Variants in KCNQ1OT1 observed in about 807,000 individuals in gnomAD.
KCNQ1OT1 encodes the protein KCNQ1 antisense RNA 2 (non-protein coding).
rs973032997 is a variant in KCNQ1OT1, at chr11:2,686,969, A to T, written n.13026T>A. Reference sequence around the variant, plus strand: ...TGCCCAGCTTACCATCCTGATGCAGAGGCAAGGACAACACTGGGCCCTGAC... The same window carrying T: ...TGCCCAGCTTACCATCCTGATGCAGTGGCAAGGACAACACTGGGCCCTGAC... On this transcript the variant is annotated non_coding_transcript_exon_variant, in exon 1 of 1. Transcript: ENST00000597346. The T allele has an allele frequency of 1.8e-5, 7 of 398,538 alleles. No homozygotes were observed. In the Admixed American group the frequency reaches 2.2e-4, roughly 13 times the overall value. 24.7% of individuals were successfully genotyped at this position (398,538 alleles called of 1,614,324 possible).
rs115180685 is a variant in KCNQ1OT1 at position 2,693,619 on chromosome 11, C to T, written n.6376G>A. The T allele has an allele frequency of 3.2e-3, 1,292 of 398,646 alleles. 18 individuals carry two copies. Among genetic ancestry groups the T allele is most frequent in the African/African-American group, 0.024 (1,156 of 48,742 alleles). 24.7% of individuals were successfully genotyped at this position (398,646 alleles called of 1,614,324 possible). On this transcript the variant is annotated non_coding_transcript_exon_variant, in exon 1 of 1. Transcript: ENST00000597346. ...ACATTTAAATTGCAAACAAGAGCTTCGCCCAGCCGTAGGAAAGGCTCTGGG... is the reference window on the plus strand; with the variant it reads ...ACATTTAAATTGCAAACAAGAGCTTTGCCCAGCCGTAGGAAAGGCTCTGGG...
Position 2,654,814 on chromosome 11 carries a change from C to G in KCNQ1OT1, n.45181G>C, listed in dbSNP as rs1849814444. ...GGGAACAGAAAGCCTCAAAGACTTT[C>G]ATGATAGGAGAGCTCTATGTAGCCT... On this transcript the variant is annotated non_coding_transcript_exon_variant, in exon 1 of 1. Coordinates refer to ENST00000597346, the Ensembl canonical transcript of KCNQ1OT1. The surrounding 1 kb of genome is among the most constrained non-coding windows in gnomAD (Gnocchi z 6.4). 2.5e-6 allele frequency: 1 copy of G among 398,520 alleles called. No homozygotes were observed. 24.7% of individuals were successfully genotyped at this position (398,520 alleles called of 1,614,324 possible).
Position 2,673,499 on chromosome 11 carries a change from C to G in KCNQ1OT1, n.26496G>C, listed in dbSNP as rs568262725. 7 of 398,552 alleles carry G rather than the reference C, an allele frequency of 1.8e-5. No individual in the cohort carries two copies. The highest frequency in any genetic ancestry group is 3.1e-5 in the Non-Finnish European group (7 of 226,112). 24.7% of individuals were successfully genotyped at this position (398,552 alleles called of 1,614,324 possible). On this transcript the variant is annotated non_coding_transcript_exon_variant, in exon 1 of 1. Transcript: ENST00000597346. This position sits in a 1 kb window ranked among gnomAD's most constrained non-coding sequence, Gnocchi z 4.5. ...CCATACAGACTCCTGCTCATCACAA[C>G]CACTTGTTGATGCTGACAGCCTGTA...
chr11:2,621,505 T>A lies in KCNQ1OT1; in HGVS notation n.78490A>T. The A allele has an allele frequency of 2.5e-6, 1 of 398,592 alleles. No homozygotes were observed. The allele number at this position is 398,592 out of a possible 1,614,324, so 24.7% of individuals were successfully genotyped here. A position where few individuals can be genotyped will look rare whatever the true frequency, so the allele number is the denominator to read the frequency against. On this transcript the variant is annotated non_coding_transcript_exon_variant, in exon 1 of 1. Transcript: ENST00000597346. The surrounding 1 kb of genome is among the most constrained non-coding windows in gnomAD (Gnocchi z 5.7). ...TCTCCCATTCTATATGTTGTCTGTT[T>A]ACTCTGTTGATAATTTCTTTTGCTA...
chr11:2,635,143 C>A (rs924900731), exon 1 of KCNQ1OT1: 2 of 152,196 alleles, frequency 1.3e-5, no homozygotes, highest in African/African-American at 2.4e-5. Flanking sequence ...CCTATTCACT[C>A]TGACGGTAGT....
rs1849032424 is a variant in KCNQ1OT1, at chr11:2,614,657, T to C, written n.85338A>G. ...ACTACTCTTCCCACTGAATTCTTGA[T>C]ACATTTGTTGAAAATGAATTGATCA... On this transcript the variant is annotated non_coding_transcript_exon_variant, in exon 1 of 1. Coordinates refer to ENST00000597346, the Ensembl canonical transcript of KCNQ1OT1. The C allele has an allele frequency of 1.3e-5, 5 of 398,390 alleles. No individual in the cohort carries two copies. The South Asian group carries it at 3.8e-4, about 30-fold the overall frequency. The allele number at this position is 398,390 out of a possible 1,614,324, so 24.7% of individuals were successfully genotyped here. A position where few individuals can be genotyped will look rare whatever the true frequency, so the allele number is the denominator to read the frequency against.
rs936380278 is a variant in KCNQ1OT1 at position 2,642,666 on chromosome 11, G to T, written n.57329C>A. 3 of 397,490 alleles carry T rather than the reference G, an allele frequency of 7.5e-6. No homozygotes were observed. Among genetic ancestry groups the T allele is most frequent in the Non-Finnish European group, 1.3e-5 (3 of 225,620 alleles). The allele number at this position is 397,490 out of a possible 1,614,324, so 24.6% of individuals were successfully genotyped here. A position where few individuals can be genotyped will look rare whatever the true frequency, so the allele number is the denominator to read the frequency against. ...TTTATTTAGTTTCTTGTTTAGTTCTGCTCTGATCTTCGTTATTTCTTTCCT... is the reference window on the plus strand; with the variant it reads ...TTTATTTAGTTTCTTGTTTAGTTCTTCTCTGATCTTCGTTATTTCTTTCCT... On this transcript the variant is annotated non_coding_transcript_exon_variant, in exon 1 of 1. Transcript: ENST00000597346. This position sits in a 1 kb window ranked among gnomAD's most constrained non-coding sequence, Gnocchi z 4.3.
chr11:2,679,882 C>A lies in KCNQ1OT1; in HGVS notation n.20113G>T, dbSNP rs1476964244. On this transcript the variant is annotated non_coding_transcript_exon_variant, in exon 1 of 1. Coordinates refer to ENST00000597346, the Ensembl canonical transcript of KCNQ1OT1. This position sits in a 1 kb window ranked among gnomAD's most constrained non-coding sequence, Gnocchi z 4.8. Reference sequence around the variant, plus strand: ...TTCATATAAACTTAGAACTAGCACGCCTAATTTTTTTTTTATTTTTATTTT... The same window carrying A: ...TTCATATAAACTTAGAACTAGCACGACTAATTTTTTTTTTATTTTTATTTT... The A allele has an allele frequency of 2.5e-6, 1 of 398,028 alleles. No individual in the cohort carries two copies. The highest frequency in any genetic ancestry group is 2.1e-5 in the African/African-American group (1 of 48,550). 24.7% of individuals were successfully genotyped at this position (398,028 alleles called of 1,614,324 possible). A position where few individuals can be genotyped will look rare whatever the true frequency, so the allele number is the denominator to read the frequency against.
exon 1 of KCNQ1OT1, chr11:2,615,460 C>G (rs11023477): frequency 0.011 from 4,468 of 397,986 alleles, 98 homozygotes; most frequent in South Asian, 0.05. Flanking sequence ...CTGGGTAAAG[C>G]ATACAGCCAT....
At chr11:2,649,059 G>A (rs1409020560) in exon 1 of KCNQ1OT1, 1 of 377,088 alleles carries the variant, frequency 2.7e-6, no homozygotes, top group African/African-American at 2.3e-5. Flanking sequence ...CTGTTTGTGT[G>A]GAATATCTTT....
At chr11:2,650,783 T>G (rs1035495587) in exon 1 of KCNQ1OT1, 2 of 398,554 alleles carry the variant, frequency 5.0e-6, no homozygotes, top group Admixed American at 8.8e-5. Flanking sequence ...TTCTTTCTCC[T>G]AATACTGCTA....
At position 2,661,089 on chromosome 11, in the gene KCNQ1OT1, A is replaced by T; in HGVS notation, n.38906T>A. ...AGTCACAGTGACATCCCATGTGCAT[A>T]AAAGCAACTCCCACCTGGCATCTGC... On this transcript the variant is annotated non_coding_transcript_exon_variant, in exon 1 of 1. Transcript: ENST00000597346. The surrounding 1 kb of genome is among the most constrained non-coding windows in gnomAD (Gnocchi z 5.9). 1 of 398,598 alleles carries T rather than the reference A, an allele frequency of 2.5e-6. No homozygotes were observed. 24.7% of individuals were successfully genotyped at this position (398,598 alleles called of 1,614,324 possible).
At position 2,621,012 on chromosome 11, in the gene KCNQ1OT1, C is replaced by T. The variant is rs929807945; in HGVS notation, n.78983G>A. On this transcript the variant is annotated non_coding_transcript_exon_variant, in exon 1 of 1. Transcript: ENST00000597346. This position sits in a 1 kb window ranked among gnomAD's most constrained non-coding sequence, Gnocchi z 5.7. ...TTGTTTTTTGAGAAAGAGTCTTGCT[C>T]TGTCTCCCAGGCTGGAGTGCAGTGG... The T allele has an allele frequency of 2.5e-6, 1 of 395,608 alleles. No homozygotes were observed. The highest frequency in any genetic ancestry group is 4.4e-6 in the Non-Finnish European group (1 of 225,440). 24.5% of individuals were successfully genotyped at this position (395,608 alleles called of 1,614,324 possible).
exon 1 of KCNQ1OT1, chr11:2,649,814 C>A (rs1849730094): frequency 5.0e-6 from 2 of 398,266 alleles, no homozygotes; most frequent in South Asian, 2.5e-4. Flanking sequence ...TTGTGAGCTT[C>A]CTTTATCTGT....
Position 2,676,858 on chromosome 11 carries a change from C to T in KCNQ1OT1, n.23137G>A. ...TTGTAATGACACCTGTCAGCTTTGA[C>T]TGGGGAGCCCTTTCATTTCTTAGTA... On this transcript the variant is annotated non_coding_transcript_exon_variant, in exon 1 of 1. Coordinates refer to ENST00000597346, the Ensembl canonical transcript of KCNQ1OT1. This position sits in a 1 kb window ranked among gnomAD's most constrained non-coding sequence, Gnocchi z 4.2. 1 of 398,632 alleles carries T rather than the reference C, an allele frequency of 2.5e-6. No homozygotes were observed. Among genetic ancestry groups the T allele is most frequent in the Non-Finnish European group, 4.4e-6 (1 of 226,076 alleles). 24.7% of individuals were successfully genotyped at this position (398,632 alleles called of 1,614,324 possible). A position where few individuals can be genotyped will look rare whatever the true frequency, so the allele number is the denominator to read the frequency against.
chr11:2,651,205 C>T lies in KCNQ1OT1; in HGVS notation n.48790G>A. 1 of 398,676 alleles carries T rather than the reference C, an allele frequency of 2.5e-6. No homozygotes were observed. Among genetic ancestry groups the T allele is most frequent in the Non-Finnish European group, 4.4e-6 (1 of 226,128 alleles). The allele number at this position is 398,676 out of a possible 1,614,324, so 24.7% of individuals were successfully genotyped here. On this transcript the variant is annotated non_coding_transcript_exon_variant, in exon 1 of 1. Transcript: ENST00000597346. This position sits in a 1 kb window ranked among gnomAD's most constrained non-coding sequence, Gnocchi z 6.1. ...AAATGTTCCGACAGCTTCCTGTCAC[C>T]CTGTCTTGTGTCAGTCTCACAGCAC...
Position 2,621,119 on chromosome 11 carries a change from A to G in KCNQ1OT1, n.78876T>C. ...CAGACTCCTGAGTAGCTGGGATTAC[A>G]GGTGACCGCCACCATACCTGGCTAA... is the stretch of plus-strand genomic sequence containing the variant. On this transcript the variant is annotated non_coding_transcript_exon_variant, in exon 1 of 1. Transcript: ENST00000597346. This position sits in a 1 kb window ranked among gnomAD's most constrained non-coding sequence, Gnocchi z 5.7. 1 of 397,174 alleles carries G rather than the reference A, an allele frequency of 2.5e-6. No homozygotes were observed. The highest frequency in any genetic ancestry group is 4.4e-6 in the Non-Finnish European group (1 of 225,736). The allele number at this position is 397,174 out of a possible 1,614,324, so 24.6% of individuals were successfully genotyped here.
exon 1 of KCNQ1OT1, chr11:2,616,891 T>C: frequency 2.5e-6 from 1 of 398,178 alleles, no homozygotes; most frequent in African/African-American, 2.1e-5. Context: ...GTAGGTCTAG[T>C]TGGTTTATGG....
Position 2,677,447 on chromosome 11 carries a change from G to A in KCNQ1OT1, n.22548C>T. On this transcript the variant is annotated non_coding_transcript_exon_variant, in exon 1 of 1. Coordinates refer to ENST00000597346, the Ensembl canonical transcript of KCNQ1OT1. The surrounding 1 kb of genome is among the most constrained non-coding windows in gnomAD (Gnocchi z 4.5). ...GCAGGGGAGATGATAATTGATGCAG[G>A]TGGCCTCTTGGTCAAGCAGTGAAAC... 2.5e-6 allele frequency: 1 copy of A among 398,506 alleles called. No individual in the cohort carries two copies. Among genetic ancestry groups the A allele is most frequent in the Admixed American group, 4.4e-5 (1 of 22,728 alleles). 24.7% of individuals were successfully genotyped at this position (398,506 alleles called of 1,614,324 possible).
Sources: allele counts gnomAD v4.1 joint callset, GRCh38; gene constraint gnomAD v4.1.1; non-coding constraint Gnocchi (gnomAD v3.1); transcripts MANE v1.5; gene names NCBI Gene and HGNC (gene_info 2026-07-23, HGNC 2026-07-21).